ANKRD63: variants seen among roughly 807,000 people sequenced by gnomAD.
ANKRD63 encodes the protein ankyrin repeat domain-containing protein 63.
In ANKRD63, 18 loss-of-function variants were observed where a neutral mutation model predicts 21.2. The observed-to-expected ratio is 0.85, with a 90% CI of 0.59 to 1.26. The LOEUF (loss-of-function observed/expected upper bound fraction) is 1.26, where lower values mean the gene tolerates loss of function less well. ANKRD63 is among the 50% of genes most tolerant of loss of function. The pLI, the probability that ANKRD63 is intolerant of heterozygous loss-of-function variation, is 0.00. For missense variants in ANKRD63, 523 were observed against 570.9 expected, an observed-to-expected ratio of 0.92 and a Z score of 0.85; for synonymous variants, 322 against 273.3, an observed-to-expected ratio of 1.18 and a Z score of -1.76.
chr15:40,282,048 G>T lies in ANKRD63; in HGVS notation c.539C>A (p.Ala180Asp). The change falls in exon 1 of 1, where the codon GCC becomes GAC. Residue 180 changes from alanine to aspartate, a missense_variant. This residue lies in a region of ANKRD63 where 215 missense variants were observed against 280.4 expected (regional missense o/e 0.77). Coordinates refer to ENST00000434396, the MANE Select transcript of ANKRD63 (RefSeq NM_001190479.3). ...GCCCCGGGCCGCAGCGGCGGCGGCGGCGCGGCCCCAGGGCCCGGTGAGGGC... is the reference window on the plus strand; with the variant it reads ...GCCCCGGGCCGCAGCGGCGGCGGCGTCGCGGCCCCAGGGCCCGGTGAGGGC... ...VQALTGPWGR[A>D]AAAAAARGSN... The T allele has an allele frequency of 8.1e-7, 1 of 1,229,220 alleles. No homozygotes were observed. 76.1% of individuals were successfully genotyped at this position (1,229,220 alleles called of 1,614,324 possible). A position where few individuals can be genotyped will look rare whatever the true frequency, so the allele number is the denominator to read the frequency against.
Position 40,282,669 on chromosome 15 carries a change from C to T in ANKRD63, c.-83G>A, listed in dbSNP as rs777542371. ...TCGCGCCCCGCGGGGCTCCGGCCTC[C>T]GCCCGCGCTCTGATACCTCTCCCTC... is the stretch of plus-strand genomic sequence containing the variant. On this transcript the variant is annotated 5_prime_UTR_variant, in exon 1 of 1. Coordinates refer to ENST00000434396, the MANE Select transcript of ANKRD63 (RefSeq NM_001190479.3). 19 of 1,113,980 alleles carry T rather than the reference C, an allele frequency of 1.7e-5. No homozygotes were observed. The highest frequency in any genetic ancestry group is 4.2e-5 in the Admixed American group (1 of 23,998). 69.0% of individuals were successfully genotyped at this position (1,113,980 alleles called of 1,614,324 possible). A position where few individuals can be genotyped will look rare whatever the true frequency, so the allele number is the denominator to read the frequency against.
chr15:40,278,876 C>G lies in ANKRD63; in HGVS notation c.*2568G>C, dbSNP rs924253271. Among the ~76,000 whole-genome samples, 2 of 152,172 alleles carry G rather than the reference C, an allele frequency of 1.3e-5. No homozygotes were observed. Among genetic ancestry groups the G allele is most frequent in the Non-Finnish European group, 2.9e-5 (2 of 68,032 alleles). The stretch of plus-strand genomic sequence containing the variant: ...AGTCAAGAGGGCCCAGGGTGACATT[C>G]AACCAGAAAGCCGTATATCAGAGAT... On this transcript the variant is annotated 3_prime_UTR_variant, in exon 1 of 1. Transcript: ENST00000434396.
Position 40,279,029 on chromosome 15 carries a change from TAAGC to T in ANKRD63, c.*2411_*2414del, listed in dbSNP as rs1287143052. 6.6e-6 allele frequency among the ~76,000 whole-genome samples: 1 copy of T among 152,180 alleles called. No homozygotes were observed. The highest frequency in any genetic ancestry group is 2.4e-5 in the African/African-American group (1 of 41,434). The stretch of plus-strand genomic sequence containing the variant: ...TCAACACAGTTGAAAAGGGAGTACA[TAAGC>T]AAGCAAGGGTCAGAAAGCAGCAGTT... On this transcript the variant is annotated 3_prime_UTR_variant, in exon 1 of 1. Transcript: ENST00000434396.
rs1432631645 is a variant in ANKRD63 at position 40,280,390 on chromosome 15, C to T, written c.*1054G>A. Among the ~76,000 whole-genome samples the T allele has an allele frequency of 6.6e-6, 1 of 152,280 alleles. No homozygotes were observed. Among genetic ancestry groups the T allele is most frequent in the African/African-American group, 2.4e-5 (1 of 41,478 alleles). On this transcript the variant is annotated 3_prime_UTR_variant, in exon 1 of 1. Coordinates refer to ENST00000434396, the MANE Select transcript of ANKRD63 (RefSeq NM_001190479.3). ...AAAGAGATATTGTCAGGCTCTTAAGCCTCGGAATCAGACCCGCTGCTTTCT... is the reference window on the plus strand; with the variant it reads ...AAAGAGATATTGTCAGGCTCTTAAGTCTCGGAATCAGACCCGCTGCTTTCT...
At position 40,279,590 on chromosome 15, in the gene ANKRD63, G is replaced by A. The variant is rs148434042; in HGVS notation, c.*1854C>T. 6.6e-6 allele frequency among the ~76,000 whole-genome samples: 1 copy of A among 152,216 alleles called. No individual in the cohort carries two copies. Among genetic ancestry groups the A allele is most frequent in the Non-Finnish European group, 1.5e-5 (1 of 68,046 alleles). ...GCCACCAGGGGGCACCAGAGATCAC[G>A]TCCAGTGCGCCGGCCTGCTTGGCCT... On this transcript the variant is annotated 3_prime_UTR_variant, in exon 1 of 1. Coordinates refer to ENST00000434396, the MANE Select transcript of ANKRD63 (RefSeq NM_001190479.3).
At position 40,281,773 on chromosome 15, in the gene ANKRD63, G is replaced by C. The variant is rs1008894965; in HGVS notation, c.814C>G (p.Leu272Val). ...AGGGCCATCAGGGCCCCAGCCCGCA[G>C]GCGGGCAGCCTCCTCCTCGGTTACC... ...GAVTEEEAAR[L>V]RAGALMALPN... The change falls in exon 1 of 1, where the codon CTG becomes GTG. Residue 272 changes from leucine (L) to valine (V), a missense_variant. Leu to Val is a conservative substitution (Grantham distance 32, BLOSUM62 1). Around this residue, in one of 2 missense-constraint regions of ANKRD63, gnomAD observed 308 missense variants for 290.4 expected, o/e 1.06. Coordinates refer to ENST00000434396, the MANE Select transcript of ANKRD63 (RefSeq NM_001190479.3). The C allele has an allele frequency of 6.5e-7, 1 of 1,534,980 alleles. No individual in the cohort carries two copies. Among genetic ancestry groups the C allele is most frequent in the African/African-American group, 1.4e-5 (1 of 73,032 alleles).
In ANKRD63 at chr15:40,280,324, A is replaced by C. The variant is rs1472600907; in HGVS notation, c.*1120T>G. Reference sequence around the variant, plus strand: ...CCCGCGCGCCGCCGTTTCACGTCGCAAACACTTTAGTCAATTATCCCCCTC... The same window carrying C: ...CCCGCGCGCCGCCGTTTCACGTCGCCAACACTTTAGTCAATTATCCCCCTC... On this transcript the variant is annotated 3_prime_UTR_variant, in exon 1 of 1. Coordinates refer to ENST00000434396, the MANE Select transcript of ANKRD63 (RefSeq NM_001190479.3). Among the ~76,000 whole-genome samples the C allele has an allele frequency of 6.6e-6, 1 of 152,390 alleles. No individual in the cohort carries two copies. The highest frequency in any genetic ancestry group is 1.9e-4 in the East Asian group (1 of 5,192).
Position 40,282,433 on chromosome 15 carries a change from T to G in ANKRD63, c.154A>C (p.Met52Leu). 1 of 1,514,072 alleles carries G rather than the reference T, an allele frequency of 6.6e-7. No homozygotes were observed. The highest frequency in any genetic ancestry group is 2.1e-5 in the Admixed American group (1 of 47,840). The allele number at this position is 1,514,072 out of a possible 1,614,324, so 93.8% of individuals were successfully genotyped here. Residue 52 changes from methionine to leucine, a missense_variant, in exon 1 of 1, where the codon ATG becomes CTG. Physicochemically the swap from Met to Leu is conservative, Grantham distance 15 (BLOSUM62 2). Coordinates refer to ENST00000434396, the MANE Select transcript of ANKRD63 (RefSeq NM_001190479.3). ...CRAEQGRTPL[M>L]VAVGLPDPAL... ...GGGTCCGGCAGCCCCACGGCCACCA[T>G]GAGCGGCGTACGGCCCTGCTCCGCG...
rs942647096 is a variant in ANKRD63, at chr15:40,280,799, G to A, written c.*645C>T. 6.6e-6 allele frequency among the ~76,000 whole-genome samples: 1 copy of A among 152,226 alleles called. No individual in the cohort carries two copies. The highest frequency in any genetic ancestry group is 2.4e-5 in the African/African-American group (1 of 41,466). On this transcript the variant is annotated 3_prime_UTR_variant, in exon 1 of 1. Transcript: ENST00000434396. ...GGAGTTACCCAGGAGCTGATTCAAG[G>A]GACAACTGGTGTTCAACACTAGGGA...
rs1419477474 is a variant in ANKRD63, at chr15:40,281,996, G to T, written c.591C>A (p.Arg197=). 4.9e-6 allele frequency: 6 copies of T among 1,215,566 alleles called. No homozygotes were observed. The highest frequency in any genetic ancestry group is 6.1e-6 in the Non-Finnish European group (6 of 979,070). The allele number at this position is 1,215,566 out of a possible 1,614,324, so 75.3% of individuals were successfully genotyped here. A position where few individuals can be genotyped will look rare whatever the true frequency, so the allele number is the denominator to read the frequency against. The change falls in exon 1 of 1, where the codon CGC becomes CGA. Residue 197 remains arginine, a synonymous_variant. Coordinates refer to ENST00000434396, the MANE Select transcript of ANKRD63 (RefSeq NM_001190479.3). The part of the protein sequence containing the change: ...RGSNSDSPPG[R]PAPAASPEHR... ...GCTCGGGGCTGGCCGCGGGGGCCGG[G>T]CGGCCAGGGGGACTATCGGAGTTGG...
In ANKRD63 at chr15:40,281,720, A is replaced by C. The variant is rs747397391; in HGVS notation, c.867T>G (p.Thr289=). 278 of 1,534,992 alleles carry C rather than the reference A, an allele frequency of 1.8e-4. No homozygotes were observed. The highest frequency in any genetic ancestry group is 2.3e-4 in the Non-Finnish European group (262 of 1,146,462). ...GCACCTCCTGTGAGCGCCACCGCCC[A>C]GTCCCCGAAGACTGGGGCGAGTTTG... ...ALPNSPQSSG[T]GRWRSQEVLE... The change falls in exon 1 of 1, where the codon ACT becomes ACG. Residue 289 remains threonine (T), a synonymous_variant. Coordinates refer to ENST00000434396, the MANE Select transcript of ANKRD63 (RefSeq NM_001190479.3).
Position 40,279,012 on chromosome 15 carries a change from G to A in ANKRD63, c.*2432C>T, listed in dbSNP as rs2039513483. On this transcript the variant is annotated 3_prime_UTR_variant, in exon 1 of 1. Transcript: ENST00000434396. ...AAAAACGTCATTAAAATTCAACACA[G>A]TTGAAAAGGGAGTACATAAGCAAGC... Among the ~76,000 whole-genome samples the A allele has an allele frequency of 6.6e-6, 1 of 152,242 alleles. No homozygotes were observed. Among genetic ancestry groups the A allele is most frequent in the African/African-American group, 2.4e-5 (1 of 41,462 alleles).
At position 40,281,428 on chromosome 15, in the gene ANKRD63, C is replaced by T; in HGVS notation, c.*16G>A. Reference sequence around the variant, plus strand: ...ACGGGAGGGTAGGGGAAGCAGGCCTCGGGCCTTGGCGCCGTTTACCGCTGA... The same window carrying T: ...ACGGGAGGGTAGGGGAAGCAGGCCTTGGGCCTTGGCGCCGTTTACCGCTGA... On this transcript the variant is annotated 3_prime_UTR_variant, in exon 1 of 1. Transcript: ENST00000434396. 1 of 1,377,856 alleles carries T rather than the reference C, an allele frequency of 7.3e-7. No homozygotes were observed. Among genetic ancestry groups the T allele is most frequent in the Non-Finnish European group, 9.3e-7 (1 of 1,070,378 alleles). 85.4% of individuals were successfully genotyped at this position (1,377,856 alleles called of 1,614,324 possible).
chr15:40,282,632 G>T lies in ANKRD63; in HGVS notation c.-46C>A, dbSNP rs2039559304. The T allele has an allele frequency of 1.5e-6, 2 of 1,334,736 alleles. No homozygotes were observed. Among genetic ancestry groups the T allele is most frequent in the African/African-American group, 3.1e-5 (2 of 64,478 alleles). 82.7% of individuals were successfully genotyped at this position (1,334,736 alleles called of 1,614,324 possible). The stretch of plus-strand genomic sequence containing the variant: ...GGCAGCCTGGCAGTTCCGCACGGGG[G>T]CGCCCCTGTTCTCGCGCCCCGCGGG... On this transcript the variant is annotated 5_prime_UTR_variant, in exon 1 of 1. Transcript: ENST00000434396.
In ANKRD63 at chr15:40,282,405, G is replaced by C; in HGVS notation, c.182C>G (p.Ala61Gly). 6.7e-7 allele frequency: 1 copy of C among 1,501,534 alleles called. No individual in the cohort carries two copies. Among genetic ancestry groups the C allele is most frequent in the African/African-American group, 1.4e-5 (1 of 69,222 alleles). The allele number at this position is 1,501,534 out of a possible 1,614,324, so 93.0% of individuals were successfully genotyped here. Residue 61 changes from alanine (A) to glycine (G), a missense_variant, in exon 1 of 1, where the codon GCG (alanine) becomes GGG (glycine). By Grantham distance (60) the Ala-to-Gly change is moderately conservative (BLOSUM62 0). Around this residue, in one of 2 missense-constraint regions of ANKRD63, gnomAD observed 215 missense variants for 280.4 expected, o/e 0.77. Transcript: ENST00000434396. The stretch of plus-strand genomic sequence containing the variant: ...CAGCCGCACGAAGCGCGCGCGCAGC[G>C]CGGGGTCCGGCAGCCCCACGGCCAC... ...LMVAVGLPDP[A>G]LRARFVRLLL...
Position 40,282,256 on chromosome 15 carries a change from CG to C in ANKRD63, c.330del (p.Glu111ArgfsTer11). On this transcript the variant is annotated frameshift_variant, in exon 1 of 1. Transcript: ENST00000434396. LOFTEE classifies it high-confidence loss of function. The part of the protein sequence containing the change: ...VQLLVQFSGD[P>X]EAADSAGNSP... Reference sequence around the variant, plus strand: ...CTGTTGCCCGCAGAGTCGGCCGCCTCGGGGTCACCGCTGAACTGCACCAGCA... The same window carrying C: ...CTGTTGCCCGCAGAGTCGGCCGCCTCGGGTCACCGCTGAACTGCACCAGCA... 6.6e-7 allele frequency: 1 copy of C among 1,520,082 alleles called. No individual in the cohort carries two copies. The highest frequency in any genetic ancestry group is 1.9e-4 in the Middle Eastern group (1 of 5,240). 94.2% of individuals were successfully genotyped at this position (1,520,082 alleles called of 1,614,324 possible).
chr15:40,281,987 G>C lies in ANKRD63; in HGVS notation c.600C>G (p.Pro200=). The C allele has an allele frequency of 1.6e-6, 2 of 1,217,612 alleles. No individual in the cohort carries two copies. Among genetic ancestry groups the C allele is most frequent in the Non-Finnish European group, 2.0e-6 (2 of 980,194 alleles). 75.4% of individuals were successfully genotyped at this position (1,217,612 alleles called of 1,614,324 possible). A position where few individuals can be genotyped will look rare whatever the true frequency, so the allele number is the denominator to read the frequency against. ...NSDSPPGRPA[P]AASPEHRRPS... is the part of the protein sequence containing the mutation. ...GTCGTCGATGCTCGGGGCTGGCCGC[G>C]GGGGCCGGGCGGCCAGGGGGACTAT... Residue 200 remains proline, a synonymous_variant, in exon 1 of 1, where the codon CCC becomes CCG. Coordinates refer to ENST00000434396, the MANE Select transcript of ANKRD63 (RefSeq NM_001190479.3).
Position 40,281,552 on chromosome 15 carries a change from C to T in ANKRD63, c.1035G>A (p.Gly345=), listed in dbSNP as rs1358145259. The change falls in exon 1 of 1, where the codon GGG becomes GGA. Residue 345 remains glycine (G), a synonymous_variant. Coordinates refer to ENST00000434396, the MANE Select transcript of ANKRD63 (RefSeq NM_001190479.3). ...CCTCTAACTCCGGGCCACTCTCGGG[C>T]CCTGGCGCCTCCCCGACCAGGCTGG... The part of the protein sequence containing the change: ...DIPSLVGEAP[G]PESGPELEAN... The T allele has an allele frequency of 2.6e-6, 4 of 1,531,462 alleles. No individual in the cohort carries two copies. In the South Asian group the frequency reaches 3.6e-5, roughly 14 times the overall value. The allele number at this position is 1,531,462 out of a possible 1,614,324, so 94.9% of individuals were successfully genotyped here. A position where few individuals can be genotyped will look rare whatever the true frequency, so the allele number is the denominator to read the frequency against.
In ANKRD63 at chr15:40,278,599, A is replaced by T. The variant is rs958396080; in HGVS notation, c.*2845T>A. On this transcript the variant is annotated 3_prime_UTR_variant, in exon 1 of 1. Transcript: ENST00000434396. ...AGAAAAGTCTCTTCTGAAGGTAGAG[A>T]TTGCTAGAGAGGACCCAGCCTCAAC... 6.6e-6 allele frequency among the ~76,000 whole-genome samples: 1 copy of T among 152,212 alleles called. No individual in the cohort carries two copies. The highest frequency in any genetic ancestry group is 1.5e-5 in the Non-Finnish European group (1 of 68,046).
Sources: gnomAD v4.1 joint callset for allele counts (sites outside exome capture counted in the v4.1 genomes callset) on GRCh38, gnomAD v4.1.1 for gene constraint, gnomAD v4.1.1 regional missense constraint, MANE v1.5 for transcripts, NCBI Gene and HGNC (gene_info 2026-07-23, HGNC 2026-07-21) for gene names.